The following MAMLD1 variants were observed in gnomAD, a reference collection of about 807,000 sequenced individuals.
MAMLD1 encodes mastermind like domain containing 1.
Under a neutral mutation model 45.0 loss-of-function variants are expected in MAMLD1, and 14 were observed. The ratio of observed to expected loss-of-function variants is 0.31; its 90% confidence interval spans 0.21 to 0.49. The LOEUF (loss-of-function observed/expected upper bound fraction) is 0.49, where lower values mean the gene tolerates loss of function less well. Ranked by LOEUF, MAMLD1 falls within the 20% of genes least tolerant of loss-of-function variation. The pLI is 0.99. For synonymous variants in MAMLD1, 254 were observed against 247.8 expected, an observed-to-expected ratio of 1.02 and a Z score of -0.24; for missense variants, 543 against 603.6, an observed-to-expected ratio of 0.90 and a Z score of 1.05.
At chrX:150,388,940 G>A (rs982373141) in intron 1 of MAMLD1, among the ~76,000 whole-genome samples, 4 of 111,814 alleles carry the variant, frequency 3.6e-5, no homozygotes, top group Admixed American at 9.5e-5. Flanking sequence ...GATACCTTTC[G>A]TTTTTCCTAA....
chrX:150,412,950 C>G (rs782200641), intron 1 of MAMLD1, among the ~76,000 whole-genome samples: 2 of 110,730 alleles, frequency 1.8e-5, no homozygotes, highest in Non-Finnish European at 3.8e-5. Flanking sequence ...GTCTTGGAAC[C>G]CTTGGGCTCA....
chrX:150,446,863 G>A (rs1481428511), intron 2 of MAMLD1, among the ~76,000 whole-genome samples: 1 of 112,842 alleles, frequency 8.9e-6, no homozygotes, highest in East Asian at 2.8e-4. Context: ...CCCAGAGTCC[G>A]TGATCAGTTT....
chrX:150,469,817 A>G lies in MAMLD1; in HGVS notation c.244A>G (p.Lys82Glu). The change falls in exon 4 of 8, where the codon AAA becomes GAA. Residue 82 changes from lysine (K) to glutamate (E), a missense_variant. By Grantham distance (56) the Lys-to-Glu change is moderately conservative. Transcript: ENST00000370401. Reference protein sequence around the residue: ...PDMADGGYPNKIKRPCLEDVT... With the variant: ...PDMADGGYPNEIKRPCLEDVT... ...CATGGCTGATGGGGGCTACCCTAAT[A>G]AAATTAAGAGGCCTTGCCTTGAAGA... The G allele has an allele frequency of 8.3e-7, 1 of 1,211,349 alleles. No homozygotes were observed. Among genetic ancestry groups the G allele is most frequent in the Non-Finnish European group, 1.1e-6 (1 of 895,301 alleles).
chrX:150,419,037 G>T, intron 1 of MAMLD1, among the ~76,000 whole-genome samples: 1 of 31,107 alleles, frequency 3.2e-5, no homozygotes, highest in Non-Finnish European at 5.8e-5. Flanking sequence ...TGACAGTGGG[G>T]TGTTAAAGTC....
Position 150,503,481 on chromosome X carries a change from G to C in MAMLD1, c.2248G>C (p.Val750Leu), listed in dbSNP as rs372832084. The change falls in exon 6 of 8, where the codon GTG (valine) becomes CTG (leucine). Residue 750 changes from valine (V) to leucine (L), a missense_variant. By Grantham distance (32) the Val-to-Leu change is conservative. Transcript: ENST00000370401. ...GSWDPKAWRQ[V>L]PAPLLPSCDA... ...CTGGGATCCGAAGGCCTGGAGGCAG[G>C]TGCCCGCTCCACTACTGCCTAGCTG... The C allele has an allele frequency of 8.4e-7, 1 of 1,195,355 alleles. No individual in the cohort carries two copies. The highest frequency in any genetic ancestry group is 2.2e-5 in the Admixed American group (1 of 45,656).
chrX:150,461,580 G>T (rs2036040949), intron 2 of MAMLD1, among the ~76,000 whole-genome samples: 1 of 112,073 alleles, frequency 8.9e-6, no homozygotes, highest in Non-Finnish European at 1.9e-5. Flanking sequence ...CTGCATCCTG[G>T]TGACATTTTC....
intron 5 of MAMLD1, among the ~76,000 whole-genome samples, chrX:150,490,987 C>T (rs190319110): frequency 8.9e-5 from 10 of 112,042 alleles, no homozygotes; most frequent in South Asian, 3.7e-4. Flanking sequence ...CAAGTTCACA[C>T]GGCTAATGGC....
intron 5 of MAMLD1, among the ~76,000 whole-genome samples, chrX:150,474,957 C>T (rs781924896): frequency 2.9e-4 from 32 of 111,500 alleles, no homozygotes; most frequent in Non-Finnish European, 1.9e-5. Flanking sequence ...AAGAAAAAAG[C>T]GAGTGTTTGA....
At chrX:150,459,853 G>T (rs2035981153) in intron 2 of MAMLD1, among the ~76,000 whole-genome samples, 1 of 109,451 alleles carries the variant, frequency 9.1e-6, no homozygotes, top group East Asian at 2.9e-4. Context: ...GAGGGAGGGA[G>T]GGAGGGAGGA....
At chrX:150,417,028 A>G (rs782602915) in intron 1 of MAMLD1, among the ~76,000 whole-genome samples, 2 of 108,995 alleles carry the variant, frequency 1.8e-5, no homozygotes, top group Non-Finnish European at 3.8e-5. Flanking sequence ...TTTTTATTAT[A>G]CTTTAAGTTT....
intron 1 of MAMLD1, among the ~76,000 whole-genome samples, chrX:150,365,511 G>T (rs1557400694): frequency 8.8e-6 from 1 of 113,269 alleles, no homozygotes; most frequent in Non-Finnish European, 1.9e-5. Context: ...CCGGGCTCGG[G>T]CATAGGGGGC....
chrX:150,427,939 A>T (rs1166285194), intron 1 of MAMLD1, among the ~76,000 whole-genome samples: 4 of 111,069 alleles, frequency 3.6e-5, no homozygotes, highest in African/African-American at 1.3e-4. Context: ...GGTGGCAGCA[A>T]GGTAGATCTA....
chrX:150,403,770 A>C (rs967213069), intron 1 of MAMLD1, among the ~76,000 whole-genome samples: 18 of 105,227 alleles, frequency 1.7e-4, no homozygotes, highest in Admixed American at 1.0e-4. Context: ...GTGCCACTGC[A>C]CTCCAGCCTG....
In MAMLD1 at chrX:150,382,500, C is replaced by T. The variant is rs782559374; in HGVS notation, c.-64+18970C>T. Among the ~76,000 whole-genome samples the T allele has an allele frequency of 4.5e-5, 5 of 111,612 alleles. No individual in the cohort carries two copies. In the South Asian group the frequency reaches 1.5e-3, roughly 33 times the overall value. On this transcript the variant is annotated intron_variant, in intron 1 of 7. Coordinates refer to ENST00000370401, the MANE Select transcript of MAMLD1 (RefSeq NM_005491.5). ...TCCATATATTTTAGAATAACCTTGTCTACGTCTACAAAAAACTTTGCTGAG... is the reference window on the plus strand; with the variant it reads ...TCCATATATTTTAGAATAACCTTGTTTACGTCTACAAAAAACTTTGCTGAG...
chrX:150,474,071 G>T (rs1273627843), intron 5 of MAMLD1, among the ~76,000 whole-genome samples: 1 of 112,322 alleles, frequency 8.9e-6, no homozygotes, highest in Non-Finnish European at 1.9e-5. Context: ...AATTGGAAAT[G>T]CTATTGCCAC....
At chrX:150,388,288 A>G (rs1189757793) in intron 1 of MAMLD1, among the ~76,000 whole-genome samples, 1 of 111,886 alleles carries the variant, frequency 8.9e-6, no homozygotes, top group Non-Finnish European at 1.9e-5. Context: ...ATCTATATTC[A>G]TGAGGGGTTT....
intron 2 of MAMLD1, among the ~76,000 whole-genome samples, chrX:150,448,727 G>C (rs782151188): frequency 1.2e-4 from 14 of 112,013 alleles, no homozygotes; most frequent in Non-Finnish European, 2.6e-4. Flanking sequence ...TTAAGATCAC[G>C]ATTCTTTCCC....
At chrX:150,370,419 T>A (rs898451398) in intron 1 of MAMLD1, among the ~76,000 whole-genome samples, 13 of 112,154 alleles carry the variant, frequency 1.2e-4, no homozygotes, top group Non-Finnish European at 3.8e-5. Context: ...ATTTTTGTTG[T>A]GTCATTGTTG....
At chrX:150,379,481 T>A (rs1557401551) in intron 1 of MAMLD1, among the ~76,000 whole-genome samples, 1 of 111,986 alleles carries the variant, frequency 8.9e-6, no homozygotes, top group Non-Finnish European at 1.9e-5. Flanking sequence ...TTGAATATGG[T>A]TTAGTTCACT....
Sources: gnomAD v4.1 joint callset for allele counts (sites outside exome capture counted in the v4.1 genomes callset) on GRCh38, gnomAD v4.1.1 for gene constraint, MANE v1.5 for transcripts, NCBI Gene and HGNC (gene_info 2026-07-23, HGNC 2026-07-21) for gene names.